SP140L: variants seen among roughly 807,000 people sequenced by gnomAD.
The protein encoded by SP140L is nuclear body protein SP140-like protein.
Under a neutral mutation model 84.3 loss-of-function variants are expected in SP140L, and 64 were observed. The ratio of observed to expected loss-of-function variants is 0.76; its 90% CI spans 0.62 to 0.94. The LOEUF (loss-of-function observed/expected upper bound fraction) is 0.94, where lower values mean the gene tolerates loss of function less well. Ranked by LOEUF, SP140L falls within the 40% of genes least tolerant of loss-of-function variation. The probability of loss-of-function intolerance (pLI) is 0.00; values close to 1 mark genes in which losing one functional copy is unlikely to be tolerated. For synonymous variants in SP140L, 242 were observed against 236.9 expected (o/e 1.02, Z -0.20); for missense variants, 628 against 692.5 (o/e 0.91, Z 1.05).
At chr2:230,367,729 C>A (rs142166422) in intron 5 of SP140L, among the ~76,000 whole-genome samples, 2 of 152,200 alleles carry the variant, frequency 1.3e-5, no homozygotes, top group African/African-American at 4.8e-5. Flanking sequence ...GGGCAGATCA[C>A]GAGGCCATCC....
intron 7 of SP140L, among the ~76,000 whole-genome samples, chr2:230,379,866 A>G (rs749242568): frequency 2.0e-5 from 3 of 152,164 alleles, no homozygotes; most frequent in Non-Finnish European, 4.4e-5. Flanking sequence ...CTTTCTCTCT[A>G]AAAGCTTTTT....
intron 2 of SP140L, among the ~76,000 whole-genome samples, chr2:230,342,804 A>G (rs74193357): frequency 0.12 from 18,254 of 151,958 alleles, 1,129 homozygotes; most frequent in Middle Eastern, 0.15. Flanking sequence ...CTAGCTAAAG[A>G]TTTATCCTTT....
chr2:230,374,899 CT>C (rs1242430711), intron 7 of SP140L, among the ~76,000 whole-genome samples: 1 of 152,094 alleles, frequency 6.6e-6, no homozygotes, highest in East Asian at 1.9e-4. Flanking sequence ...AAAATTGTGT[CT>C]TGCTTTATTG....
At chr2:230,365,802 A>T (rs2060849576) in intron 5 of SP140L, among the ~76,000 whole-genome samples, 1 of 152,064 alleles carries the variant, frequency 6.6e-6, no homozygotes, top group Admixed American at 6.6e-5. Flanking sequence ...CTTTTGCTGT[A>T]TCCCATCAGT....
At chr2:230,331,885 C>G (rs2059734628) in intron 2 of SP140L, among the ~76,000 whole-genome samples, 1 of 152,148 alleles carries the variant, frequency 6.6e-6, no homozygotes, top group Non-Finnish European at 1.5e-5. Flanking sequence ...ATTACATCTT[C>G]AAAATAGCAG....
At position 230,385,255 on chromosome 2, in the gene SP140L, G is replaced by C. The variant is rs755856695; in HGVS notation, c.735G>C (p.Ser245=). The C allele has an allele frequency of 6.2e-6, 10 of 1,613,646 alleles. No homozygotes were observed. The highest frequency in any genetic ancestry group is 8.5e-6 in the Non-Finnish European group (10 of 1,179,774). Residue 245 remains serine, a synonymous_variant, in exon 9 of 19, where the codon TCG becomes TCC. Transcript: ENST00000415673. ...GCAAAGCCGATGGCCAGCTGGTCTC[G>C]AGTGAAAAGAAGGCGAACATGAATC... ...DNSKADGQLV[S]SEKKANMNLK... is the part of the protein sequence containing the mutation.
At chr2:230,348,060 A>C (rs1432196966) in intron 2 of SP140L, among the ~76,000 whole-genome samples, 1 of 152,218 alleles carries the variant, frequency 6.6e-6, no homozygotes, top group Non-Finnish European at 1.5e-5. Flanking sequence ...GTAGCACAGA[A>C]TGCTACAGAA....
chr2:230,334,321 A>G (rs770405077), intron 2 of SP140L, among the ~76,000 whole-genome samples: 52 of 152,090 alleles, frequency 3.4e-4, no homozygotes, highest in Non-Finnish European at 7.1e-4. Context: ...GTATGCACCT[A>G]CCTTCTGAAA....
intron 2 of SP140L, among the ~76,000 whole-genome samples, chr2:230,332,650 T>A (rs1329007740): frequency 6.6e-6 from 1 of 152,248 alleles, no homozygotes; most frequent in Non-Finnish European, 1.5e-5. Flanking sequence ...TGCAACATCT[T>A]TCCCAAAAAT....
chr2:230,344,897 G>A (rs773648634), intron 2 of SP140L, among the ~76,000 whole-genome samples: 7 of 152,140 alleles, frequency 4.6e-5, no homozygotes, highest in Non-Finnish European at 8.8e-5. Context: ...AAAGCACTTG[G>A]TATGATTTCA....
chr2:230,366,376 T>A (rs1452652787), intron 5 of SP140L, among the ~76,000 whole-genome samples: 1 of 152,120 alleles, frequency 6.6e-6, no homozygotes, highest in Non-Finnish European at 1.5e-5. Flanking sequence ...TATATAATGA[T>A]CTTCTTTGTC....
In SP140L at chr2:230,400,936, C is replaced by T. The variant is rs1292221649; in HGVS notation, c.1314-19C>T. The T allele has an allele frequency of 1.3e-6, 2 of 1,482,332 alleles. No individual in the cohort carries two copies. Among genetic ancestry groups the T allele is most frequent in the East Asian group, 4.9e-5 (2 of 40,808 alleles). The allele number at this position is 1,482,332 out of a possible 1,614,324, so 91.8% of individuals were successfully genotyped here. ...TTCCAAGCTCCCTGCCCTCTGCTCA[C>T]CCATGTCCAATCTCTCAGGACCCCG... On this transcript the variant is annotated intron_variant, in intron 15 of 18. Coordinates refer to ENST00000415673, the MANE Select transcript of SP140L (RefSeq NM_138402.6).
intron 2 of SP140L, among the ~76,000 whole-genome samples, chr2:230,351,615 T>C (rs1482807357): frequency 6.6e-6 from 1 of 152,196 alleles, no homozygotes; most frequent in African/African-American, 2.4e-5. Flanking sequence ...CTTTATTGAC[T>C]CATATATTCT....
intron 7 of SP140L, 129 bp from the exon 8 acceptor site, chr2:230,383,381 A>C: frequency 2.3e-6 from 2 of 877,852 alleles, no homozygotes; most frequent in Non-Finnish European, 1.7e-6. Context: ...TGCTACACTG[A>C]TCATAAAGAA....
intron 7 of SP140L, among the ~76,000 whole-genome samples, chr2:230,377,954 A>G (rs1182223478): frequency 1.3e-5 from 2 of 152,132 alleles, no homozygotes; most frequent in African/African-American, 4.8e-5. Context: ...GCGCTTATTG[A>G]GATCTATAAC....
intron 2 of SP140L, among the ~76,000 whole-genome samples, chr2:230,342,464 A>C (rs1223814988): frequency 6.6e-6 from 1 of 152,144 alleles, no homozygotes; most frequent in Non-Finnish European, 1.5e-5. Context: ...TGCGTCGCTC[A>C]CGCTGGGAGC....
At position 230,370,246 on chromosome 2, in the gene SP140L, G is replaced by A. The variant is rs530527497; in HGVS notation, c.524-662G>A. Among the ~76,000 whole-genome samples the A allele has an allele frequency of 5.3e-5, 8 of 152,218 alleles. No homozygotes were observed. The South Asian group carries it at 8.3e-4, about 16-fold the overall frequency. ...ATGTGTCAGGCGTGATTATTGGAGC[G>A]GGTATATTTTTTTCCAGAGAGCACT... On this transcript the variant is annotated intron_variant, in intron 5 of 18. Coordinates refer to ENST00000415673, the MANE Select transcript of SP140L (RefSeq NM_138402.6).
At chr2:230,341,766 G>C (rs1196494547) in intron 2 of SP140L, among the ~76,000 whole-genome samples, 2 of 152,166 alleles carry the variant, frequency 1.3e-5, no homozygotes, top group African/African-American at 4.8e-5. Context: ...AGGTGTCAGT[G>C]TGCCCCTGCT....
At chr2:230,382,524 T>C (rs2061443163) in intron 7 of SP140L, among the ~76,000 whole-genome samples, 1 of 152,156 alleles carries the variant, frequency 6.6e-6, no homozygotes, top group Non-Finnish European at 1.5e-5. Context: ...GTCTCTTTTC[T>C]CACTTAGATC....
Sources: gnomAD v4.1 joint callset for allele counts (sites outside exome capture counted in the v4.1 genomes callset) on GRCh38, gnomAD v4.1.1 for gene constraint, MANE v1.5 for transcripts, NCBI Gene and HGNC (gene_info 2026-07-23, HGNC 2026-07-21) for gene names.